The following MLC1 variants were observed in gnomAD, a reference collection of about 807,000 sequenced individuals.
The protein encoded by MLC1 is membrane protein MLC1.
A neutral mutation model predicts 44.7 loss-of-function variants in MLC1; 32 were observed. The ratio of observed to expected loss-of-function variants is 0.72; its 90% confidence interval spans 0.54 to 0.96. MLC1 has a LOEUF of 0.96. Among genes scored for constraint, MLC1 ranks in the 40% least tolerant of loss-of-function variants. The pLI, the probability that MLC1 is intolerant of heterozygous loss-of-function variation, is 0.00. For synonymous variants in MLC1, 190 were observed against 213.0 expected (o/e 0.89, Z 0.94); for missense variants, 459 against 492.2 (o/e 0.93, Z 0.64).
rs571761810 is a variant in MLC1 at position 50,066,397 on chromosome 22, C to T, written c.894+2036G>A. On this transcript the variant is annotated intron_variant, in intron 10 of 11. Transcript: ENST00000311597. ...GTATATGGCTGGGCACGGTGGCTCA[C>T]GTCTGTAATCCTAGCACTTTGGGAG... 7.2e-5 allele frequency among the ~76,000 whole-genome samples: 11 copies of T among 152,234 alleles called. No homozygotes were observed. The East Asian group carries it at 1.5e-3, about 21-fold the overall frequency.
rs2061994900 is a variant in MLC1, at chr22:50,076,883, C to T, written c.555G>A (p.Leu185=). The T allele has an allele frequency of 6.2e-7, 1 of 1,613,914 alleles. No homozygotes were observed. The highest frequency in any genetic ancestry group is 8.5e-7 in the Non-Finnish European group (1 of 1,179,862). Residue 185 remains leucine, a synonymous_variant, in exon 7 of 12, where the codon CTG becomes CTA. Coordinates refer to ENST00000311597, the MANE Select transcript of MLC1 (RefSeq NM_015166.4). ...KGSMSDSANI[L]DEVPFPARVL... ...CCCGAGCAGGAAATGGCACTTCGTC[C>T]AGAATGTTGGCGCTGTCAGACATGG...
chr22:50,061,853 G>A (rs963163454), intron 11 of MLC1, among the ~76,000 whole-genome samples, 196 bp from the exon 12 acceptor site: 18 of 152,138 alleles, frequency 1.2e-4, no homozygotes, highest in Non-Finnish European at 1.8e-4. Context: ...TCCCAGAAAC[G>A]CCTGCATCCC....
In MLC1 at chr22:50,076,888, T is replaced by G; in HGVS notation, c.550A>C (p.Ile184Leu). Residue 184 changes from isoleucine to leucine, a missense_variant, in exon 7 of 12, where the codon ATT (isoleucine) becomes CTT (leucine). Ile to Leu is a conservative substitution (Grantham distance 5, BLOSUM62 2). Transcript: ENST00000311597. Reference sequence around the variant, plus strand: ...GCAGGAAATGGCACTTCGTCCAGAATGTTGGCGCTGTCAGACATGGAGCCC... The same window carrying G: ...GCAGGAAATGGCACTTCGTCCAGAAGGTTGGCGCTGTCAGACATGGAGCCC... ...KKGSMSDSAN[I>L]LDEVPFPARV... The G allele has an allele frequency of 2.5e-6, 4 of 1,613,912 alleles. No homozygotes were observed. Among genetic ancestry groups the G allele is most frequent in the Non-Finnish European group, 3.4e-6 (4 of 1,179,856 alleles).
At position 50,074,331 on chromosome 22, in the gene MLC1, A is replaced by G; in HGVS notation, c.599T>C (p.Val200Ala). 6.2e-7 allele frequency: 1 copy of G among 1,612,530 alleles called. No individual in the cohort carries two copies. Among genetic ancestry groups the G allele is most frequent in the Non-Finnish European group, 8.5e-7 (1 of 1,178,672 alleles). ...AGAGATGCCTGCGATTACCTCGACG[A>G]CCTGGAGGGGACAGGACAGCATCGG... Reference protein sequence around the residue: ...FPARVLKSYSVVEVIAGISAV... With the variant: ...FPARVLKSYSAVEVIAGISAV... The change falls in exon 8 of 12, where the codon GTC becomes GCC. Residue 200 changes from valine to alanine, a missense_variant and splice_region_variant. Coordinates refer to ENST00000311597, the MANE Select transcript of MLC1 (RefSeq NM_015166.4).
intron 4 of MLC1, 81 bp from the exon 5 acceptor site, chr22:50,080,100 T>C: frequency 1.7e-6 from 2 of 1,209,452 alleles, no homozygotes; most frequent in Non-Finnish European, 2.4e-6. Flanking sequence ...CTTCAGGCCA[T>C]TCACTAAAAA....
In MLC1 at chr22:50,077,252, G is replaced by T. The variant is rs1602038125; in HGVS notation, c.525+149C>A. 5 of 781,008 alleles carry T rather than the reference G, an allele frequency of 6.4e-6. No homozygotes were observed. In the East Asian group the frequency reaches 1.3e-4, roughly 21 times the overall value. The allele number at this position is 781,008 out of a possible 1,614,324, so 48.4% of individuals were successfully genotyped here. Reference sequence around the variant, plus strand: ...AGCTCCAGAGCCCCTCCTGGCCGGGGTTTCTGAGACCCAGGAGAGAGGGGT... The same window carrying T: ...AGCTCCAGAGCCCCTCCTGGCCGGGTTTTCTGAGACCCAGGAGAGAGGGGT... On this transcript the variant is annotated intron_variant, in intron 6 of 11. Transcript: ENST00000311597.
At position 50,062,272 on chromosome 22, in the gene MLC1, CCTTGAGCCCCAGCCGTCCAT is replaced by C. The variant is rs1267976652; in HGVS notation, c.1060-635_1060-616del. Among the ~76,000 whole-genome samples the C allele has an allele frequency of 9.0e-3, 1,217 of 135,110 alleles. 47 individuals are homozygous for C. Among genetic ancestry groups the C allele is most frequent in the Non-Finnish European group, 0.012 (689 of 59,820 alleles). 88.6% of individuals were successfully genotyped at this position (135,110 alleles called of 152,430 possible). On this transcript the variant is annotated intron_variant, in intron 11 of 11. Transcript: ENST00000311597. ...GCCCACCCTGAGCCCAAGCCACCCA[CCTTGAGCCCCAGCCGTCCAT>C]CCTGAGCCCCAGCCGCCCACCCTGA...
intron 10 of MLC1, among the ~76,000 whole-genome samples, chr22:50,065,721 G>A (rs910829764): frequency 4.6e-5 from 7 of 152,204 alleles, no homozygotes; most frequent in African/African-American, 1.2e-4. Flanking sequence ...GCACCTTCAC[G>A]CCATTGGCAG....
chr22:50,071,829 T>C (rs2294394), intron 8 of MLC1, among the ~76,000 whole-genome samples: 117,742 of 152,150 alleles, frequency 0.77, 45,775 homozygotes, highest in African/African-American at 0.84. Flanking sequence ...CCTCTTCATC[T>C]CCCCGAAGGT....
rs1424897310 is a variant in MLC1 at position 50,083,608 on chromosome 22, A to G, written c.178-435T>C. Among the ~76,000 whole-genome samples, 1 of 152,192 alleles carries G rather than the reference A, an allele frequency of 6.6e-6. No individual in the cohort carries two copies. Among genetic ancestry groups the G allele is most frequent in the Non-Finnish European group, 1.5e-5 (1 of 68,026 alleles). On this transcript the variant is annotated intron_variant, in intron 2 of 11. Transcript: ENST00000311597. This position sits in a 1 kb window ranked among gnomAD's most constrained non-coding sequence, Gnocchi z 4.6. The stretch of plus-strand genomic sequence containing the variant: ...TGCAGAACCTAATTTCCAGATCTGG[A>G]AGAAGATCCCTCCAGGCAGGGGCTC...
At chr22:50,079,707 T>C (rs981598646) in intron 5 of MLC1, among the ~76,000 whole-genome samples, 8 of 152,072 alleles carry the variant, frequency 5.3e-5, no homozygotes, top group African/African-American at 1.7e-4. Context: ...GAAAAGACAT[T>C]GTTTACCAAT....
rs762908922 is a variant in MLC1, at chr22:50,083,755, G to A, written c.178-582C>T. 1.1e-4 allele frequency among the ~76,000 whole-genome samples: 17 copies of A among 152,236 alleles called. No individual in the cohort carries two copies. The South Asian group carries it at 1.2e-3, about 11-fold the overall frequency. On this transcript the variant is annotated intron_variant, in intron 2 of 11. Coordinates refer to ENST00000311597, the MANE Select transcript of MLC1 (RefSeq NM_015166.4). The surrounding 1 kb of genome is among the most constrained non-coding windows in gnomAD (Gnocchi z 4.6). Reference sequence around the variant, plus strand: ...GCTCTCTCTCACGCACAGCACCCCCGGGGTGAGTCTGAGGGGAGTCAGTAT... The same window carrying A: ...GCTCTCTCTCACGCACAGCACCCCCAGGGTGAGTCTGAGGGGAGTCAGTAT...
rs574347685 is a variant in MLC1 at position 50,068,628 on chromosome 22, TG to T, written c.772-74del. On this transcript the variant is annotated intron_variant, in intron 9 of 11. Transcript: ENST00000311597. ...CCAGGACAGCGGGCGTGGCCAGGGC[TG>T]GGGGGGCGGGCATGGCCGGGCACTC... The T allele has an allele frequency of 6.1e-4, 399 of 658,964 alleles. 16 individuals are homozygous for T. The highest frequency in any genetic ancestry group is 4.5e-3 in the South Asian group (313 of 68,890). 40.8% of individuals were successfully genotyped at this position (658,964 alleles called of 1,614,324 possible). A position where few individuals can be genotyped will look rare whatever the true frequency, so the allele number is the denominator to read the frequency against.
In MLC1 at chr22:50,062,811, G is replaced by A. The variant is rs532205717; in HGVS notation, c.1060-1154C>T. ...GTGGTCACTGCACCTGAGGGTCAGC[G>A]GGCAGGTTTGCCCAGGGGAGCACCA... On this transcript the variant is annotated intron_variant, in intron 11 of 11. Coordinates refer to ENST00000311597, the MANE Select transcript of MLC1 (RefSeq NM_015166.4). 2.3e-3 allele frequency among the ~76,000 whole-genome samples: 352 copies of A among 152,342 alleles called. 4 individuals are homozygous for A. The highest frequency in any genetic ancestry group is 7.9e-3 in the African/African-American group (327 of 41,574).
chr22:50,076,603 G>A (rs775445698), intron 7 of MLC1, among the ~76,000 whole-genome samples: 8 of 151,688 alleles, frequency 5.3e-5, no homozygotes, highest in African/African-American at 1.5e-4. Context: ...ACTCACCTAC[G>A]GCAGTAACAA....
chr22:50,082,955 G>T, intron 3 of MLC1, 129 bp downstream of exon 3: 1 of 948,758 alleles, frequency 1.1e-6, no homozygotes, highest in Non-Finnish European at 1.7e-6. Context: ...ATGAGCCACT[G>T]TGCCCGGCCC....
intron 7 of MLC1, 54 bp from the exon 8 acceptor site, chr22:50,074,386 T>A (rs1363994051): frequency 6.9e-7 from 1 of 1,441,628 alleles, no homozygotes; most frequent in Non-Finnish European, 9.8e-7. Flanking sequence ...ACCCCCAGAT[T>A]CCCAGAATGC....
intron 10 of MLC1, among the ~76,000 whole-genome samples, chr22:50,068,028 A>G (rs1186457873): frequency 6.6e-6 from 1 of 152,198 alleles, no homozygotes; most frequent in Non-Finnish European, 1.5e-5. Flanking sequence ...GAGCCTCAGA[A>G]GTCGTGTTGG....
At chr22:50,063,879 C>G (rs55817372) in intron 11 of MLC1, among the ~76,000 whole-genome samples, 155 bp downstream of exon 11, 3 of 68,100 alleles carry the variant, frequency 4.4e-5, no homozygotes, top group Non-Finnish European at 9.3e-5. Flanking sequence ...AGCACCCCCT[C>G]CCCCTGCAGG....
Sources: gnomAD v4.1 joint callset for allele counts (sites outside exome capture counted in the v4.1 genomes callset) on GRCh38, gnomAD v4.1.1 for gene constraint, Gnocchi (gnomAD v3.1) non-coding constraint, MANE v1.5 for transcripts, NCBI Gene and HGNC (gene_info 2026-07-23, HGNC 2026-07-21) for gene names.